Variants in ZNF385C observed in about 807,000 individuals in gnomAD.
The protein encoded by ZNF385C is CTD-2132N18.2.
ZNF385C carries 28 observed loss-of-function variants against 35.4 expected under a neutral mutation model. The ratio of observed to expected loss-of-function variants is 0.79; its 90% confidence interval spans 0.59 to 1.08. ZNF385C has a LOEUF of 1.08. Among genes scored for constraint, ZNF385C ranks in the 50% least tolerant of loss-of-function variants. ZNF385C has a pLI of 0.00. For synonymous variants in ZNF385C, 248 were observed against 248.2 expected (o/e 1.00, Z 0.01); for missense variants, 605 against 595.6 (o/e 1.02, Z -0.16).
At chr17:42,078,483 G>A (rs528457666) in intron 1 of ZNF385C, among the ~76,000 whole-genome samples, 1 of 152,064 alleles carries the variant, frequency 6.6e-6, no homozygotes, top group Admixed American at 6.5e-5. Flanking sequence ...AGGGAGGCGG[G>A]GAACCCAGTG....
rs1036728031 is a variant in ZNF385C at position 42,050,522 on chromosome 17, G to T, written c.250+12285C>A. On this transcript the variant is annotated intron_variant, in intron 2 of 8. Coordinates refer to ENST00000692273, the MANE Select transcript of ZNF385C (RefSeq NM_001392013.1). This position sits in a 1 kb window ranked among gnomAD's most constrained non-coding sequence, Gnocchi z 5.6. ...CGCTCCGGGAGGGGGCGTCCAGCCC[G>T]GCCTGGCGCCCCCGCCCCGTCCGCT... is the stretch of plus-strand genomic sequence containing the variant. 6.6e-6 allele frequency: 1 copy of T among 152,054 alleles called. No individual in the cohort carries two copies. Among genetic ancestry groups the T allele is most frequent in the Non-Finnish European group, 1.5e-5 (1 of 67,990 alleles). The allele number at this position is 152,054 out of a possible 1,614,324, so 9.4% of individuals were successfully genotyped here.
intron 5 of ZNF385C, 26 bp downstream of exon 5, chr17:42,031,593 G>C: frequency 6.6e-7 from 1 of 1,525,736 alleles, no homozygotes; most frequent in Non-Finnish European, 8.8e-7. Context: ...GTGGAGACGT[G>C]GGAAAGAGAA....
chr17:42,097,433 CAAGG>C (rs1382259218), intron 1 of ZNF385C, among the ~76,000 whole-genome samples: 37 of 152,262 alleles, frequency 2.4e-4, no homozygotes, highest in African/African-American at 8.7e-4. Flanking sequence ...TCTAGACAGA[CAAGG>C]AAGCCCCCCT....
At chr17:42,052,273 A>C (rs2053296964) in intron 2 of ZNF385C, among the ~76,000 whole-genome samples, 1 of 152,172 alleles carries the variant, frequency 6.6e-6, no homozygotes, top group Non-Finnish European at 1.5e-5. Flanking sequence ...CCTGGCTGCC[A>C]CCAAGGGAGA....
intron 2 of ZNF385C, chr17:42,043,087 G>T (rs1382348268): frequency 8.1e-7 from 1 of 1,232,244 alleles, no homozygotes; most frequent in South Asian, 4.1e-5. Flanking sequence ...GCCCTCAAAA[G>T]GGGGCTGGCC....
intron 1 of ZNF385C, among the ~76,000 whole-genome samples, chr17:42,082,846 G>A (rs1161525094): frequency 2.0e-5 from 3 of 152,204 alleles, no homozygotes; most frequent in Non-Finnish European, 4.4e-5. Context: ...GGGAGGCCAA[G>A]GCTGGTGGAT....
intron 2 of ZNF385C, among the ~76,000 whole-genome samples, chr17:42,057,577 G>A (rs1309039400): frequency 6.6e-6 from 1 of 151,434 alleles, no homozygotes; most frequent in Non-Finnish European, 1.5e-5. Flanking sequence ...CCTTCTTCTG[G>A]GGAAGGTCCC....
chr17:42,059,888 T>C (rs1486372613), intron 2 of ZNF385C, among the ~76,000 whole-genome samples: 1 of 152,116 alleles, frequency 6.6e-6, no homozygotes, highest in Non-Finnish European at 1.5e-5. Flanking sequence ...TCCCAAAGTG[T>C]TGGGATGACA....
At chr17:42,040,769 G>A (rs1397596736) in intron 2 of ZNF385C, 7 of 1,232,228 alleles carry the variant, frequency 5.7e-6, no homozygotes, top group Non-Finnish European at 5.1e-6. Flanking sequence ...CCATGGAGGC[G>A]GAATAGGGCA....
At position 42,026,927 on chromosome 17, in the gene ZNF385C, G is replaced by A. The variant is rs2052591761; in HGVS notation, c.1482C>T (p.Ala494=). Residue 494 remains alanine (A), a synonymous_variant, in exon 9 of 9, where the codon GCC becomes GCT. Coordinates refer to ENST00000692273, the MANE Select transcript of ZNF385C (RefSeq NM_001392013.1). ...AAGGGGCAAGGACGATAGGTCCTGT[G>A]GCAGGGCGGACAGCTCCTGCTGGGG... is the stretch of plus-strand genomic sequence containing the variant. The part of the protein sequence containing the change: ...FRTPAGAVRP[A]TGPIVLAPY 7 of 1,605,340 alleles carry A rather than the reference G, an allele frequency of 4.4e-6. No homozygotes were observed. The highest frequency in any genetic ancestry group is 6.0e-6 in the Non-Finnish European group (7 of 1,175,760).
At chr17:42,076,684 G>C (rs2053689952) in intron 1 of ZNF385C, among the ~76,000 whole-genome samples, 1 of 152,138 alleles carries the variant, frequency 6.6e-6, no homozygotes, top group Non-Finnish European at 1.5e-5. Context: ...CCTGCCCAAG[G>C]TCACACAGCT....
intron 2 of ZNF385C, among the ~76,000 whole-genome samples, chr17:42,047,595 G>T (rs564941188): frequency 6.6e-6 from 1 of 152,260 alleles, no homozygotes; most frequent in South Asian, 2.1e-4. Flanking sequence ...TCCAGGGCCG[G>T]CTGGTTTGGT....
chr17:42,037,917 G>T, intron 2 of ZNF385C, 32 bp from the exon 3 acceptor site: 11 of 1,543,738 alleles, frequency 7.1e-6, no homozygotes, highest in Non-Finnish European at 9.6e-6. Flanking sequence ...GGTCTGAAAT[G>T]GGCTCTGTCC....
chr17:42,043,697 C>G (rs2053082735), intron 2 of ZNF385C: 1 of 243,062 alleles, frequency 4.1e-6, no homozygotes, highest in Non-Finnish European at 7.8e-6. Flanking sequence ...GGGGCAGGGG[C>G]TCTGGGCAGT....
chr17:42,030,090 A>G (rs2052693826), intron 5 of ZNF385C, among the ~76,000 whole-genome samples: 1 of 152,124 alleles, frequency 6.6e-6, no homozygotes. Context: ...TCCACGGTGG[A>G]GTACTACACA....
At chr17:42,048,620 T>G (rs1187940495) in intron 2 of ZNF385C, among the ~76,000 whole-genome samples, 1 of 152,126 alleles carries the variant, frequency 6.6e-6, no homozygotes, top group Non-Finnish European at 1.5e-5. Context: ...CCATCCTTCT[T>G]CCTAGGTGCC....
intron 1 of ZNF385C, among the ~76,000 whole-genome samples, chr17:42,084,827 G>A (rs2053789081): frequency 6.6e-6 from 1 of 151,848 alleles, no homozygotes; most frequent in Non-Finnish European, 1.5e-5. Context: ...ATGTTTCCTA[G>A]GCTGATCTTG....
At chr17:42,042,690 C>T (rs1555656248) in intron 2 of ZNF385C, 1 of 562,588 alleles carries the variant, frequency 1.8e-6, no homozygotes, top group Admixed American at 4.4e-5. Flanking sequence ...GGGACATAGG[C>T]TCTCAGGGAA....
chr17:42,057,846 G>A (rs927815107), intron 2 of ZNF385C, among the ~76,000 whole-genome samples: 3 of 152,214 alleles, frequency 2.0e-5, no homozygotes, highest in East Asian at 1.9e-4. Flanking sequence ...GAGAGGCTGA[G>A]ACAGGAGAAT....
Sources: allele counts gnomAD v4.1 joint callset (sites outside exome capture counted in the v4.1 genomes callset), GRCh38; gene constraint gnomAD v4.1.1; non-coding constraint Gnocchi (gnomAD v3.1); transcripts MANE v1.5; gene names NCBI Gene and HGNC (gene_info 2026-07-23, HGNC 2026-07-21).